UTP20: variants seen among roughly 807,000 people sequenced by gnomAD.
The protein encoded by UTP20 is UTP20 small subunit processome component.
Under a neutral mutation model 329.5 loss-of-function variants are expected in UTP20, and 164 were observed. The observed-to-expected ratio is 0.50, with a 90% CI of 0.44 to 0.57. The LOEUF is 0.57. Among genes scored for constraint, UTP20 ranks in the 20% least tolerant of loss-of-function variants. The probability of loss-of-function intolerance (pLI) is 0.00; values close to 1 mark genes in which losing one functional copy is unlikely to be tolerated. For missense variants in UTP20, 3,055 were observed against 3,284.2 expected (o/e 0.93, Z 1.71); for synonymous variants, 1,151 against 1,159.3 (o/e 0.99, Z 0.14).
intron 44 of UTP20, among the ~76,000 whole-genome samples, chr12:101,362,563 G>T (rs950917043): frequency 1.5e-5 from 2 of 133,492 alleles, no homozygotes; most frequent in Non-Finnish European, 1.5e-5. Flanking sequence ...AACTAGCCAG[G>T]CATGGTGATG....
chr12:101,383,256 G>C lies in UTP20; in HGVS notation c.7872G>C (p.Gln2624His). 6.2e-7 allele frequency: 1 copy of C among 1,614,184 alleles called. No homozygotes were observed. The highest frequency in any genetic ancestry group is 8.5e-7 in the Non-Finnish European group (1 of 1,180,044). ...GRPATLLWLI[Q>H]KLSRIAKLEA... is the part of the protein sequence containing the mutation. ...CGGCCACGCTGCTGTGGTTGATCCAGAAGCTGTCCCGGATTGCAAAACTGG... is the reference window on the plus strand; with the variant it reads ...CGGCCACGCTGCTGTGGTTGATCCACAAGCTGTCCCGGATTGCAAAACTGG... The change falls in exon 59 of 62, where the codon CAG becomes CAC. Residue 2624 changes from glutamine to histidine, a missense_variant. Coordinates refer to ENST00000261637, the MANE Select transcript of UTP20 (RefSeq NM_014503.3).
Position 101,334,516 on chromosome 12 carries a change from C to T in UTP20, c.3641+12C>T. ...AGCAGAAACGCAAGGTATAACCTTT[C>T]TTTTTTCCTTCTTTAAAAAGGGCAG... On this transcript the variant is annotated intron_variant, in intron 29 of 61. Transcript: ENST00000261637. 1 of 1,603,738 alleles carries T rather than the reference C, an allele frequency of 6.2e-7. No individual in the cohort carries two copies. The highest frequency in any genetic ancestry group is 8.5e-7 in the Non-Finnish European group (1 of 1,177,468).
Position 101,321,568 on chromosome 12 carries a change from T to A in UTP20, c.2980T>A (p.Ser994Thr), listed in dbSNP as rs570614154. 1 of 1,613,632 alleles carries A rather than the reference T, an allele frequency of 6.2e-7. No homozygotes were observed. The highest frequency in any genetic ancestry group is 1.1e-5 in the South Asian group (1 of 91,078). Residue 994 changes from serine to threonine, a missense_variant, in exon 25 of 62, where the codon TCA becomes ACA. Physicochemically the swap from Ser to Thr is moderately conservative, Grantham distance 58. Coordinates refer to ENST00000261637, the MANE Select transcript of UTP20 (RefSeq NM_014503.3). ...FKEEIVHFSI[S>T]EDNAVVKTAH... ...GGAAGAGATAGTGCATTTTAGCATT[T>A]CAGAAGATAATGCTGTAGTGAAAAC... is the stretch of plus-strand genomic sequence containing the variant.
intron 18 of UTP20, 26 bp downstream of exon 18, chr12:101,308,369 C>A: frequency 7.2e-7 from 1 of 1,391,596 alleles, no homozygotes; most frequent in South Asian, 2.0e-5. Flanking sequence ...TTTTATTTTT[C>A]CTTTTTAATT....
chr12:101,364,135 G>A (rs747048755), intron 45 of UTP20, among the ~76,000 whole-genome samples: 5 of 152,124 alleles, frequency 3.3e-5, no homozygotes, highest in African/African-American at 4.8e-5. Flanking sequence ...GGCCAAGCAT[G>A]GTGGCTCACA....
chr12:101,351,930 A>T, intron 38 of UTP20, 125 bp from the exon 39 acceptor site: 1 of 1,128,736 alleles, frequency 8.9e-7, no homozygotes, highest in Non-Finnish European at 1.3e-6. Flanking sequence ...AAATTAGTAT[A>T]GTTTGGACAT....
intron 40 of UTP20, among the ~76,000 whole-genome samples, chr12:101,354,159 G>A (rs1869632427): frequency 6.6e-6 from 1 of 151,034 alleles, no homozygotes; most frequent in Non-Finnish European, 1.5e-5. Context: ...CTACTCAGGA[G>A]GCTAAGGCAT....
chr12:101,354,905 A>G lies in UTP20; in HGVS notation c.5181A>G (p.Glu1727=). ...AGCGTGTGGATGAGGAAGAGAAGGA[A>G]TATACATGCAAGAGTTTGTCAGACA... The part of the protein sequence containing the change: ...ELERVDEEEK[E]YTCKSLSDNG... Residue 1727 remains glutamate, a synonymous_variant, in exon 41 of 62, where the codon GAA becomes GAG. Coordinates refer to ENST00000261637, the MANE Select transcript of UTP20 (RefSeq NM_014503.3). The G allele has an allele frequency of 6.2e-7, 1 of 1,614,192 alleles. No homozygotes were observed. The highest frequency in any genetic ancestry group is 8.5e-7 in the Non-Finnish European group (1 of 1,180,034).
At chr12:101,384,130 A>G (rs963019083) in intron 60 of UTP20, among the ~76,000 whole-genome samples, 5 of 152,226 alleles carry the variant, frequency 3.3e-5, no homozygotes, top group South Asian at 2.1e-4. Context: ...CACATAAAAG[A>G]TGATGCTTTA....
At chr12:101,377,546 G>A (rs533878813) in intron 56 of UTP20, among the ~76,000 whole-genome samples, 3 of 151,874 alleles carry the variant, frequency 2.0e-5, no homozygotes, top group Non-Finnish European at 4.4e-5. Context: ...TGGCCAGGAT[G>A]GTCTCCATCT....
chr12:101,294,608 TC>T (rs1200874458), intron 11 of UTP20, among the ~76,000 whole-genome samples: 2 of 149,540 alleles, frequency 1.3e-5, no homozygotes, highest in African/African-American at 4.9e-5. Context: ...AGTGGTGCCA[TC>T]TCTGCTTACT....
intron 25 of UTP20, among the ~76,000 whole-genome samples, chr12:101,325,790 T>TCAG (rs919834867): frequency 6.6e-6 from 1 of 152,218 alleles, no homozygotes; most frequent in African/African-American, 2.4e-5. Flanking sequence ...AAAACAACTG[T>TCAG]CAGCATTTAT....
In UTP20 at chr12:101,285,651, G is replaced by T. The variant is rs377197428; in HGVS notation, c.193+15G>T. On this transcript the variant is annotated intron_variant, in intron 3 of 61. Coordinates refer to ENST00000261637, the MANE Select transcript of UTP20 (RefSeq NM_014503.3). ...AGAACACTTCGGTATTTTCTATTTCGTTTCTATTTTATTCACCCATAGTTT... is the reference window on the plus strand; with the variant it reads ...AGAACACTTCGGTATTTTCTATTTCTTTTCTATTTTATTCACCCATAGTTT... The T allele has an allele frequency of 6.8e-6, 11 of 1,613,390 alleles. No homozygotes were observed. In the African/African-American group the frequency reaches 1.3e-4, roughly 20 times the overall value.
intron 41 of UTP20, 23 bp from the exon 42 acceptor site, chr12:101,356,531 C>G: frequency 6.3e-7 from 1 of 1,587,214 alleles, no homozygotes; most frequent in Non-Finnish European, 8.6e-7. Flanking sequence ...TTCATTTTAG[C>G]TTAACCTAAA....
rs748534743 is a variant in UTP20 at position 101,317,616 on chromosome 12, C to G, written c.2691C>G (p.Pro897=). Reference sequence around the variant, plus strand: ...AAGAGTTGGAGGAAGAGGCAGTGCCCCAAGATGAATCCTCACAGAAGAAAA... The same window carrying G: ...AAGAGTTGGAGGAAGAGGCAGTGCCGCAAGATGAATCCTCACAGAAGAAAA... ...DDEELEEEAV[P]QDESSQKKKT... The change falls in exon 22 of 62, where the codon CCC becomes CCG. Residue 897 remains proline, a synonymous_variant. Coordinates refer to ENST00000261637, the MANE Select transcript of UTP20 (RefSeq NM_014503.3). The G allele has an allele frequency of 6.2e-7, 1 of 1,613,762 alleles. No homozygotes were observed. The highest frequency in any genetic ancestry group is 8.5e-7 in the Non-Finnish European group (1 of 1,179,948).
Position 101,373,682 on chromosome 12 carries a change from C to G in UTP20, c.7046C>G (p.Thr2349Arg), listed in dbSNP as rs1870375843. Residue 2349 changes from threonine (T) to arginine (R), a missense_variant, in exon 54 of 62, where the codon ACA (threonine) becomes AGA (arginine). By Grantham distance (71) the Thr-to-Arg change is moderately conservative (BLOSUM62 -1). Around this residue, in one of 3 missense-constraint regions of UTP20, gnomAD observed 273 missense variants for 363.1 expected, o/e 0.75. Coordinates refer to ENST00000261637, the MANE Select transcript of UTP20 (RefSeq NM_014503.3). ...SATCKKMASM[T>R]IKSLLGKISL... is the part of the protein sequence containing the mutation. Reference sequence around the variant, plus strand: ...ACGTGCAAAAAGATGGCATCCATGACAATCAAGTCCCTACTTGGTAAAATC... The same window carrying G: ...ACGTGCAAAAAGATGGCATCCATGAGAATCAAGTCCCTACTTGGTAAAATC... The G allele has an allele frequency of 5.0e-6, 8 of 1,612,948 alleles. No homozygotes were observed. The highest frequency in any genetic ancestry group is 5.9e-6 in the Non-Finnish European group (7 of 1,179,838).
chr12:101,311,951 G>A (rs1872806339), intron 20 of UTP20, 85 bp from the exon 21 acceptor site: 11 of 1,583,472 alleles, frequency 6.9e-6, no homozygotes, highest in Admixed American at 5.3e-5. Context: ...TTACATTATA[G>A]AGAAAGAAAT....
intron 29 of UTP20, among the ~76,000 whole-genome samples, chr12:101,335,668 G>A (rs1459509086): frequency 1.3e-5 from 2 of 152,034 alleles, no homozygotes; most frequent in African/African-American, 2.4e-5. Context: ...CATAGTCTTG[G>A]TTTTTACAAG....
chr12:101,352,361 C>T (rs569460846), intron 39 of UTP20, among the ~76,000 whole-genome samples, 167 bp downstream of exon 39: 3 of 152,220 alleles, frequency 2.0e-5, no homozygotes, highest in Non-Finnish European at 1.5e-5. Flanking sequence ...AATAAACATA[C>T]GTGTGCATGT....
Sources: gnomAD v4.1 joint callset for allele counts (sites outside exome capture counted in the v4.1 genomes callset) on GRCh38, gnomAD v4.1.1 for gene constraint, gnomAD v4.1.1 regional missense constraint, MANE v1.5 for transcripts, NCBI Gene and HGNC (gene_info 2026-07-23, HGNC 2026-07-21) for gene names.